Variants in CACNA1C observed in about 807,000 individuals in gnomAD.
CACNA1C encodes voltage-dependent L-type calcium channel subunit alpha-1C.
A neutral mutation model predicts 229.0 loss-of-function variants in CACNA1C; 30 were observed. The observed-to-expected ratio is 0.13, with a 90% CI of 0.10 to 0.18. CACNA1C has a LOEUF of 0.18. Ranked by LOEUF, CACNA1C falls within the 10% of genes least tolerant of loss-of-function variation. The pLI is 1.00. For synonymous variants in CACNA1C, 1,114 were observed against 1,132.5 expected (o/e 0.98, Z 0.33); for missense variants, 1,658 against 2,845.0 (o/e 0.58, Z 9.49).
At chr12:2,656,271 T>C (rs989224500) in intron 34 of CACNA1C, among the ~76,000 whole-genome samples, 9 of 152,100 alleles carry the variant, frequency 5.9e-5, no homozygotes, top group Non-Finnish European at 1.3e-4. Flanking sequence ...CCCACAAAAA[T>C]GAGTAGCATT....
chr12:2,063,078 C>T (rs899819416), intron 1 of CACNA1C, among the ~76,000 whole-genome samples: 12 of 152,248 alleles, frequency 7.9e-5, no homozygotes, highest in African/African-American at 2.9e-4. Flanking sequence ...TCCCCTCTCT[C>T]TCCAGCCCTT....
chr12:2,139,276 GTGT>G (rs1250435969), intron 3 of CACNA1C, among the ~76,000 whole-genome samples: 5 of 151,056 alleles, frequency 3.3e-5, no homozygotes, highest in African/African-American at 1.2e-4. Flanking sequence ...GCTCCCCTGG[GTGT>G]TTGTGTCTCT....
At chr12:2,268,436 C>G (rs902087878) in intron 3 of CACNA1C, among the ~76,000 whole-genome samples, 2 of 152,232 alleles carry the variant, frequency 1.3e-5, no homozygotes, top group African/African-American at 4.8e-5. Context: ...CATGGATTAA[C>G]TCCCTGGGCT....
At chr12:2,324,516 C>G (rs574646919) in intron 3 of CACNA1C, among the ~76,000 whole-genome samples, 6 of 152,330 alleles carry the variant, frequency 3.9e-5, no homozygotes, top group East Asian at 1.9e-4. Flanking sequence ...CCCTGGGTCC[C>G]GCGCTTGCAC....
rs555640887 is a variant in CACNA1C, at chr12:2,108,593, G to A, written c.50-6631G>A. ...GCCCTCTGGCCCCTGCAGTCCAGCG[G>A]GGCACCGTAGGAGGAGGGTGGAAGA... On this transcript the variant is annotated intron_variant, in intron 1 of 46. Transcript: ENST00000399655. The surrounding 1 kb of genome is among the most constrained non-coding windows in gnomAD (Gnocchi z 5.3). 6.6e-6 allele frequency among the ~76,000 whole-genome samples: 1 copy of A among 152,338 alleles called. No individual in the cohort carries two copies. The highest frequency in any genetic ancestry group is 6.5e-5 in the Admixed American group (1 of 15,300).
At chr12:2,520,070 G>A (rs1215551543) in intron 9 of CACNA1C, among the ~76,000 whole-genome samples, 1 of 152,224 alleles carries the variant, frequency 6.6e-6, no homozygotes, top group Non-Finnish European at 1.5e-5. Context: ...TTAAGCTGTT[G>A]GGAAGCCATG....
chr12:2,259,229 C>G (rs1017444296), intron 3 of CACNA1C, among the ~76,000 whole-genome samples: 1 of 152,310 alleles, frequency 6.6e-6, no homozygotes, highest in East Asian at 1.9e-4. Context: ...AAGCTCCCCA[C>G]ACCCCGCCCT....
At chr12:2,589,895 G>A (rs1189917631) in intron 18 of CACNA1C, among the ~76,000 whole-genome samples, 1 of 152,208 alleles carries the variant, frequency 6.6e-6, no homozygotes, top group African/African-American at 2.4e-5. Flanking sequence ...GTTGGAGAGA[G>A]GGAAAGAGAA....
At chr12:2,212,326 G>A (rs977479580) in intron 3 of CACNA1C, among the ~76,000 whole-genome samples, 9 of 152,158 alleles carry the variant, frequency 5.9e-5, no homozygotes, top group Non-Finnish European at 1.3e-4. Flanking sequence ...GGAATCCAGT[G>A]GTTGCCGCTA....
At chr12:2,317,677 T>C (rs1016631216) in intron 3 of CACNA1C, among the ~76,000 whole-genome samples, 9 of 152,168 alleles carry the variant, frequency 5.9e-5, no homozygotes, top group African/African-American at 2.2e-4. Context: ...TAATTAAAAA[T>C]TTAAAAACAC....
chr12:2,492,149 C>G (rs2099736768), intron 6 of CACNA1C, among the ~76,000 whole-genome samples: 1 of 152,172 alleles, frequency 6.6e-6, no homozygotes, highest in African/African-American at 2.4e-5. Flanking sequence ...CTTCCATAGC[C>G]AGAGCCAAGA....
intron 3 of CACNA1C, among the ~76,000 whole-genome samples, chr12:2,166,772 T>C (rs961375918): frequency 1.3e-5 from 2 of 152,150 alleles, no homozygotes; most frequent in Non-Finnish European, 2.9e-5. Context: ...AGCAGAGGAT[T>C]AGTAGGCACG....
At chr12:2,226,168 C>T (rs1434696952) in intron 3 of CACNA1C, among the ~76,000 whole-genome samples, 1 of 130,564 alleles carries the variant, frequency 7.7e-6, no homozygotes. Flanking sequence ...CACACACACA[C>T]ACACAGTTTT....
intron 1 of CACNA1C, among the ~76,000 whole-genome samples, chr12:2,074,911 G>A (rs986333786): frequency 3.9e-5 from 6 of 152,158 alleles, no homozygotes; most frequent in Admixed American, 3.9e-4. Context: ...GAGCCTGCTG[G>A]CTTTGGAAGT....
At chr12:2,634,414 G>T (rs1435106488) in intron 30 of CACNA1C, 34 bp downstream of exon 30, 1 of 1,187,114 alleles carries the variant, frequency 8.4e-7, no homozygotes, top group East Asian at 2.6e-5. Context: ...AACCGTCCGT[G>T]CCTGCTCTAA....
At chr12:2,340,501 G>A (rs2096830197) in intron 3 of CACNA1C, among the ~76,000 whole-genome samples, 1 of 152,220 alleles carries the variant, frequency 6.6e-6, no homozygotes, top group Admixed American at 6.5e-5. Flanking sequence ...CACAACCCAA[G>A]TGCCACCTGT....
intron 9 of CACNA1C, among the ~76,000 whole-genome samples, chr12:2,530,064 A>G (rs1313814305): frequency 6.6e-6 from 1 of 152,234 alleles, no homozygotes. Context: ...AAATGTTATC[A>G]CAAGCTGAGA....
chr12:2,300,679 G>GCCGTC (rs1344924317), intron 3 of CACNA1C, among the ~76,000 whole-genome samples: 1 of 152,136 alleles, frequency 6.6e-6, no homozygotes, highest in African/African-American at 2.4e-5. Context: ...CAGGGAATTG[G>GCCGTC]CCGTCTGGTC....
Position 2,301,719 on chromosome 12 carries a change from G to T in CACNA1C, c.478-147257G>T, listed in dbSNP as rs568057380. On this transcript the variant is annotated intron_variant, in intron 3 of 46. Coordinates refer to ENST00000399655, the MANE Select transcript of CACNA1C (RefSeq NM_000719.7). ...GATCTCCTTTGGAAAAAACTGGAGT[G>T]ATGAGGTCCTGCCAGACTGAGCCTG... is the stretch of plus-strand genomic sequence containing the variant. 3.9e-5 allele frequency among the ~76,000 whole-genome samples: 6 copies of T among 152,310 alleles called. No individual in the cohort carries two copies. In the East Asian group the frequency reaches 1.2e-3, roughly 29 times the overall value.
Sources: allele counts gnomAD v4.1 joint callset (sites outside exome capture counted in the v4.1 genomes callset), GRCh38; gene constraint gnomAD v4.1.1; non-coding constraint Gnocchi (gnomAD v3.1); transcripts MANE v1.5; gene names NCBI Gene and HGNC (gene_info 2026-07-23, HGNC 2026-07-21).